The following PHTF2 variants were observed in gnomAD, a reference collection of about 807,000 sequenced individuals.
The protein encoded by PHTF2 is putative homeodomain transcription factor 2, also known as protein PHTF2.
Under a neutral mutation model 101.2 loss-of-function variants are expected in PHTF2, and 60 were observed. That is an observed-to-expected ratio of 0.59 (90% CI 0.48 to 0.73). The LOEUF (loss-of-function observed/expected upper bound fraction) is 0.73. Ranked by LOEUF, PHTF2 falls within the 30% of genes least tolerant of loss-of-function variation. PHTF2 has a pLI of 0.00. For missense variants in PHTF2, 747 were observed against 908.7 expected (o/e 0.82, Z 2.29); for synonymous variants, 311 against 307.3 (o/e 1.01, Z -0.13).
At chr7:77,867,487 T>G (rs565030898) in intron 3 of PHTF2, among the ~76,000 whole-genome samples, 25 of 152,364 alleles carry the variant, frequency 1.6e-4, no homozygotes, top group African/African-American at 5.5e-4. Context: ...AATAGTGCTG[T>G]GAGAATTAAA....
chr7:77,912,710 C>CTTTTTTTTTT (rs536966733), intron 9 of PHTF2, among the ~76,000 whole-genome samples: 3 of 80,466 alleles, frequency 3.7e-5, no homozygotes, highest in Admixed American at 1.7e-4. Flanking sequence ...AGAGAACCAC[C>CTTTTTTTTTT]TTTTTTTTTT....
At chr7:77,932,557 G>A (rs1172285849) in intron 12 of PHTF2, among the ~76,000 whole-genome samples, 1 of 151,438 alleles carries the variant, frequency 6.6e-6, no homozygotes, top group Non-Finnish European at 1.5e-5. Flanking sequence ...TGGAGAAAGG[G>A]GACAGAGAGA....
At chr7:77,889,615 G>C (rs1207817297) in intron 3 of PHTF2, among the ~76,000 whole-genome samples, 4 of 136,134 alleles carry the variant, frequency 2.9e-5, no homozygotes, top group African/African-American at 1.1e-4. Context: ...TTTTTGAGAC[G>C]GAGTCTTGCT....
intron 1 of PHTF2, among the ~76,000 whole-genome samples, chr7:77,809,231 T>G (rs953212507): frequency 6.9e-6 from 1 of 145,756 alleles, no homozygotes. Context: ...GTTGTTTTTT[T>G]TTTTTTTTTT....
At chr7:77,866,359 T>A (rs1244721406) in intron 3 of PHTF2, among the ~76,000 whole-genome samples, 1 of 152,146 alleles carries the variant, frequency 6.6e-6, no homozygotes, top group Non-Finnish European at 1.5e-5. Flanking sequence ...GATTTCAGGA[T>A]TTTCCAGTGC....
chr7:77,824,708 G>A (rs1434224069), intron 1 of PHTF2, among the ~76,000 whole-genome samples: 1 of 152,122 alleles, frequency 6.6e-6, no homozygotes, highest in Non-Finnish European at 1.5e-5. Flanking sequence ...AATTGAGTCA[G>A]TAATGTAAAA....
intron 3 of PHTF2, among the ~76,000 whole-genome samples, chr7:77,881,609 A>C (rs1251335926): frequency 1.3e-5 from 2 of 152,036 alleles, no homozygotes; most frequent in Non-Finnish European, 2.9e-5. Context: ...AGACTCAAAT[A>C]ATCTGCTCAC....
At position 77,834,288 on chromosome 7, in the gene PHTF2, G is replaced by A. The variant is rs187667695; in HGVS notation, c.-35-5933G>A. ...TGATCGTGCCACTGCACTCCAGCCC[G>A]GGCAACTGAGTGAGACCTTGTCTCA... is the stretch of plus-strand genomic sequence containing the variant. On this transcript the variant is annotated intron_variant, in intron 1 of 19. Transcript: ENST00000416283. Among the ~76,000 whole-genome samples the A allele has an allele frequency of 2.2e-3, 329 of 147,240 alleles. 3 individuals carry two copies. The highest frequency in any genetic ancestry group is 0.012 in the South Asian group (56 of 4,636).
intron 9 of PHTF2, among the ~76,000 whole-genome samples, chr7:77,911,266 A>G (rs1802370193): frequency 6.6e-6 from 1 of 152,002 alleles, no homozygotes; most frequent in African/African-American, 2.4e-5. Context: ...CAACTATACA[A>G]AAATGGCTTT....
At chr7:77,919,385 T>C (rs530390812) in intron 9 of PHTF2, among the ~76,000 whole-genome samples, 1 of 152,338 alleles carries the variant, frequency 6.6e-6, no homozygotes, top group South Asian at 2.1e-4. Flanking sequence ...TTGATACCTC[T>C]AACAAAAATT....
intron 10 of PHTF2, among the ~76,000 whole-genome samples, chr7:77,921,075 A>G (rs1803416125): frequency 6.6e-6 from 1 of 152,206 alleles, no homozygotes; most frequent in Non-Finnish European, 1.5e-5. Flanking sequence ...AAGAATTTGC[A>G]CTAAGTGGAA....
At chr7:77,891,050 A>G (rs1239575102) in intron 3 of PHTF2, among the ~76,000 whole-genome samples, 4 of 151,214 alleles carry the variant, frequency 2.6e-5, no homozygotes. Flanking sequence ...TGGGACTACA[A>G]GGGCACACTA....
At chr7:77,857,472 G>C (rs961644116) in intron 3 of PHTF2, among the ~76,000 whole-genome samples, 7 of 152,056 alleles carry the variant, frequency 4.6e-5, no homozygotes, top group Admixed American at 1.3e-4. Flanking sequence ...TTTTTTTTAA[G>C]AGCCCTGACT....
intron 3 of PHTF2, among the ~76,000 whole-genome samples, chr7:77,883,156 G>A (rs1475387036): frequency 6.6e-6 from 1 of 152,108 alleles, no homozygotes; most frequent in East Asian, 1.9e-4. Flanking sequence ...GTAGTTATGA[G>A]CAAAATCAGT....
Position 77,822,666 on chromosome 7 carries a change from T to G in PHTF2, c.-35-17555T>G, listed in dbSNP as rs1305889744. On this transcript the variant is annotated intron_variant, in intron 1 of 19. Transcript: ENST00000416283. ...GAAGTCCCTCCTGACTCTGGGCTGA[T>G]CCAGTCTGGGTTGGGGAGACAGGGC... 3.9e-5 allele frequency among the ~76,000 whole-genome samples: 6 copies of G among 152,232 alleles called. No individual in the cohort carries two copies. The East Asian group carries it at 9.7e-4, about 24-fold the overall frequency.
intron 3 of PHTF2, among the ~76,000 whole-genome samples, chr7:77,859,909 G>T (rs144937463): frequency 6.6e-6 from 1 of 151,998 alleles, no homozygotes; most frequent in Admixed American, 6.5e-5. Flanking sequence ...TAAGGAATAC[G>T]TTTATGCAAA....
intron 11 of PHTF2, among the ~76,000 whole-genome samples, chr7:77,927,191 TATATACATACACACAC>T (rs1804117121): frequency 1.1e-5 from 1 of 93,698 alleles, no homozygotes; most frequent in Non-Finnish European, 2.4e-5. Context: ...TATATATATA[TATATACATACACACAC>T]ACACACACAC....
rs1309815844 is a variant in PHTF2, at chr7:77,893,523, C to G, written c.148-85C>G. ...AAATCTAATCTGTGCTGAATGAATA[C>G]TGAGTTGCTTGTATTTCAAGCAGAG... is the stretch of plus-strand genomic sequence containing the variant. On this transcript the variant is annotated intron_variant, in intron 3 of 19. Transcript: ENST00000416283. 6.5e-6 allele frequency: 4 copies of G among 613,048 alleles called. No individual in the cohort carries two copies. In the Admixed American group the frequency reaches 1.1e-4, roughly 18 times the overall value. 38.0% of individuals were successfully genotyped at this position (613,048 alleles called of 1,614,324 possible).
At chr7:77,874,325 G>T (rs1344991670) in intron 3 of PHTF2, among the ~76,000 whole-genome samples, 1 of 152,120 alleles carries the variant, frequency 6.6e-6, no homozygotes, top group Non-Finnish European at 1.5e-5. Context: ...TTAATATTCT[G>T]TTCCTCTAGA....
Sources: allele counts gnomAD v4.1 joint callset (sites outside exome capture counted in the v4.1 genomes callset), GRCh38; gene constraint gnomAD v4.1.1; transcripts MANE v1.5; gene names NCBI Gene and HGNC (gene_info 2026-07-23, HGNC 2026-07-21).